Variants in NUMB observed in about 807,000 individuals in gnomAD.
NUMB encodes the protein protein numb homolog.
NUMB carries 29 observed loss-of-function variants against 59.7 expected under a neutral mutation model. The ratio of observed to expected loss-of-function variants is 0.49; its 90% confidence interval spans 0.36 to 0.66. The LOEUF (loss-of-function observed/expected upper bound fraction) is 0.66, where lower values mean the gene tolerates loss of function less well. Among genes scored for constraint, NUMB ranks in the 30% least tolerant of loss-of-function variants. The pLI is 0.00. For missense variants in NUMB, 723 were observed against 822.0 expected (o/e 0.88, Z 1.47); for synonymous variants, 288 against 288.2 (o/e 1.00, Z 0.01).
rs1301067726 is a variant in NUMB at position 73,277,225 on chromosome 14, G to T, written c.1309C>A (p.Pro437Thr). The change falls in exon 13 of 13, where the codon CCC becomes ACC. Residue 437 changes from proline to threonine, a missense_variant. Pro to Thr is a conservative substitution (Grantham distance 38). Around this residue, in one of 2 missense-constraint regions of NUMB, gnomAD observed 406 missense variants for 385.4 expected, o/e 1.05. Coordinates refer to ENST00000555238, the MANE Select transcript of NUMB (RefSeq NM_001005743.2). The stretch of plus-strand genomic sequence containing the variant: ...TCTAACCATCGGTCGGCCTCAGAGG[G>T]AGTACGTCTATGACCGGCCTGGAAG... ...GLFQAGHRRT[P>T]SEADRWLEEV... 4 of 1,614,026 alleles carry T rather than the reference G, an allele frequency of 2.5e-6. No homozygotes were observed. Among genetic ancestry groups the T allele is most frequent in the Non-Finnish European group, 3.4e-6 (4 of 1,179,972 alleles).
At chr14:73,445,757 A>G (rs1374189858) in intron 1 of NUMB, among the ~76,000 whole-genome samples, 1 of 152,206 alleles carries the variant, frequency 6.6e-6, no homozygotes, top group Non-Finnish European at 1.5e-5. Flanking sequence ...AAAACCAGCA[A>G]AAAGAGTTAA....
chr14:73,309,032 A>T (rs576924566), intron 6 of NUMB, among the ~76,000 whole-genome samples: 24 of 152,300 alleles, frequency 1.6e-4, no homozygotes, highest in Non-Finnish European at 2.8e-4. Flanking sequence ...TTTTTATGCT[A>T]ATGGATGATC....
intron 1 of NUMB, among the ~76,000 whole-genome samples, chr14:73,454,219 T>G (rs1884193488): frequency 6.6e-6 from 1 of 151,714 alleles, no homozygotes; most frequent in African/African-American, 2.4e-5. Flanking sequence ...GAATTTTTTT[T>G]TAAAAAAAAA....
At chr14:73,440,196 C>CATATATATATATGGATATCCAT (rs146664093) in intron 1 of NUMB, among the ~76,000 whole-genome samples, 1 of 51,190 alleles carries the variant, frequency 2.0e-5, no homozygotes, top group East Asian at 2.9e-4. Flanking sequence ...ACTAGATATC[C>CATATATATATATGGATATCCAT]ATATATATAT....
In NUMB at chr14:73,406,793, G is replaced by A. The variant is rs529263928; in HGVS notation, c.-101+3144C>T. Among the ~76,000 whole-genome samples, 22 of 152,182 alleles carry A rather than the reference G, an allele frequency of 1.4e-4. No individual in the cohort carries two copies. In the East Asian group the frequency reaches 3.7e-3, roughly 25 times the overall value. The stretch of plus-strand genomic sequence containing the variant: ...TTTTTAATGATCACCATTCTAACTG[G>A]TGTGAGATGGTATCTCACTGTGGTT... On this transcript the variant is annotated intron_variant, in intron 2 of 12. Coordinates refer to ENST00000555238, the MANE Select transcript of NUMB (RefSeq NM_001005743.2).
At chr14:73,289,185 T>G (rs1485473396) in intron 8 of NUMB, among the ~76,000 whole-genome samples, 2 of 146,746 alleles carry the variant, frequency 1.4e-5, no homozygotes, top group Non-Finnish European at 3.1e-5. Flanking sequence ...AATTCCCAAC[T>G]CTACCTCCCA....
At chr14:73,281,158 C>A (rs181416551) in intron 11 of NUMB, among the ~76,000 whole-genome samples, 66 of 152,096 alleles carry the variant, frequency 4.3e-4, no homozygotes, top group Middle Eastern at 6.8e-3. Context: ...GCAGAATCAG[C>A]AGAATGTAAC....
chr14:73,302,631 C>G (rs565254802), intron 6 of NUMB, among the ~76,000 whole-genome samples: 1 of 151,706 alleles, frequency 6.6e-6, no homozygotes, highest in African/African-American at 2.4e-5. Flanking sequence ...AGGCTGGTCT[C>G]GAACTCCTGA....
chr14:73,444,835 A>T (rs1390029428), intron 1 of NUMB, among the ~76,000 whole-genome samples: 1 of 148,084 alleles, frequency 6.8e-6, no homozygotes, highest in African/African-American at 2.5e-5. Flanking sequence ...CCAGCCTGGC[A>T]ACAGAGTGAC....
intron 4 of NUMB, among the ~76,000 whole-genome samples, chr14:73,346,985 A>G (rs1159123426): frequency 1.3e-5 from 2 of 152,212 alleles, no homozygotes; most frequent in Non-Finnish European, 2.9e-5. Context: ...AGGAAATCAC[A>G]GGTGATTTAT....
At chr14:73,396,322 GTGTGTGTGTGTGTGTGT>G (rs1896133311) in intron 2 of NUMB, among the ~76,000 whole-genome samples, 2 of 30,586 alleles carry the variant, frequency 6.5e-5, no homozygotes, top group African/African-American at 9.9e-4. Context: ...ATTATTAGGG[GTGTGTGTGTGTGTGTGT>G]GTGTGTGTGT....
intron 4 of NUMB, among the ~76,000 whole-genome samples, chr14:73,333,277 A>G (rs1892094510): frequency 6.6e-6 from 1 of 152,214 alleles, no homozygotes. Context: ...ATTATAGCCA[A>G]CCAAGCGAGT....
intron 4 of NUMB, among the ~76,000 whole-genome samples, chr14:73,349,026 C>G (rs2139997074): frequency 6.6e-6 from 1 of 152,366 alleles, no homozygotes; most frequent in South Asian, 2.1e-4. Context: ...CCTCCATATT[C>G]ATTCTGCAGT....
intron 2 of NUMB, among the ~76,000 whole-genome samples, chr14:73,388,081 C>T (rs551809103): frequency 6.6e-6 from 1 of 151,890 alleles, no homozygotes; most frequent in Admixed American, 6.6e-5. Flanking sequence ...CCAGCTTGGG[C>T]GACCAAGTGA....
chr14:73,423,789 G>T (rs1028922749), intron 1 of NUMB, among the ~76,000 whole-genome samples: 2 of 151,456 alleles, frequency 1.3e-5, no homozygotes, highest in South Asian at 2.1e-4. Context: ...CAGCCTGGGC[G>T]TCAGAGCAAG....
chr14:73,370,417 C>T (rs1017661358), intron 2 of NUMB, among the ~76,000 whole-genome samples: 5 of 152,190 alleles, frequency 3.3e-5, no homozygotes, highest in African/African-American at 1.2e-4. Flanking sequence ...TCTCGCCAGG[C>T]GTGGTGGCTC....
At chr14:73,450,202 C>T (rs1167820091) in intron 1 of NUMB, among the ~76,000 whole-genome samples, 1 of 152,212 alleles carries the variant, frequency 6.6e-6, no homozygotes, top group Non-Finnish European at 1.5e-5. Flanking sequence ...TTAATTCTCA[C>T]CATCACCCTG....
At position 73,276,429 on chromosome 14, in the gene NUMB, C is replaced by T; in HGVS notation, c.*149G>A. On this transcript the variant is annotated 3_prime_UTR_variant, in exon 13 of 13. Coordinates refer to ENST00000555238, the MANE Select transcript of NUMB (RefSeq NM_001005743.2). ...TCCCATGTCTTTCAAAATCACCCCT[C>T]ACAGTACTCTGGGCCTGGACTTGTT... 1.6e-6 allele frequency: 1 copy of T among 625,212 alleles called. No homozygotes were observed. The highest frequency in any genetic ancestry group is 3.0e-5 in the Admixed American group (1 of 33,224). 38.7% of individuals were successfully genotyped at this position (625,212 alleles called of 1,614,324 possible).
chr14:73,379,237 T>C lies in NUMB; in HGVS notation c.-100-12256A>G, dbSNP rs571635116. Reference sequence around the variant, plus strand: ...CAAAAAACTAGTACTTCCTCCTCCTTCATCAGGGGAAAGCACGTAAGTGTT... The same window carrying C: ...CAAAAAACTAGTACTTCCTCCTCCTCCATCAGGGGAAAGCACGTAAGTGTT... On this transcript the variant is annotated intron_variant, in intron 2 of 12. Transcript: ENST00000555238. Among the ~76,000 whole-genome samples, 16 of 152,306 alleles carry C rather than the reference T, an allele frequency of 1.1e-4. 1 individual carries two copies. Among genetic ancestry groups the C allele is most frequent in the Middle Eastern group, 6.8e-3 (2 of 294 alleles).
Sources: allele counts gnomAD v4.1 joint callset (sites outside exome capture counted in the v4.1 genomes callset), GRCh38; gene constraint gnomAD v4.1.1; regional missense constraint gnomAD v4.1.1; transcripts MANE v1.5; gene names NCBI Gene and HGNC (gene_info 2026-07-23, HGNC 2026-07-21).